FBXO47: variants seen among roughly 807,000 people sequenced by gnomAD.
The protein encoded by FBXO47 is F-box only protein 47.
A neutral mutation model predicts 53.9 loss-of-function variants in FBXO47; 34 were observed. The observed-to-expected ratio is 0.63, with a 90% CI of 0.48 to 0.84. The LOEUF is 0.84. FBXO47 is among the 40% of genes least tolerant of loss of function. FBXO47 has a pLI of 0.00. For synonymous variants in FBXO47, 165 were observed against 181.6 expected, an observed-to-expected ratio of 0.91 and a Z score of 0.73; for missense variants, 485 against 541.3, an observed-to-expected ratio of 0.90 and a Z score of 1.03.
chr17:38,945,111 T>C lies in FBXO47; in HGVS notation c.642A>G (p.Arg214=), dbSNP rs767110860. The change falls in exon 7 of 11, where the codon AGA becomes AGG. Residue 214 remains arginine (R), a synonymous_variant. Transcript: ENST00000378079. ...GGACATTCCTACAGAAGAGTCTGAT[T>C]CTTAACTCCAGTTTTTGGGCACTTC... ...KPGSAQKLEL[R]IRLFCRNVLL... 3 of 1,613,072 alleles carry C rather than the reference T, an allele frequency of 1.9e-6. No homozygotes were observed. The highest frequency in any genetic ancestry group is 4.5e-5 in the East Asian group (2 of 44,860).
chr17:38,965,898 T>A (rs112697363), intron 1 of FBXO47, among the ~76,000 whole-genome samples: 19,245 of 144,998 alleles, frequency 0.13, 1,506 homozygotes, highest in South Asian at 0.23. Context: ...AAAAAAAAAA[T>A]AATTACACAA....
At chr17:38,944,468 C>T (rs1019548586) in intron 7 of FBXO47, among the ~76,000 whole-genome samples, 29 of 151,310 alleles carry the variant, frequency 1.9e-4, no homozygotes, top group African/African-American at 5.1e-4. Context: ...TTTGGAAGGC[C>T]GAGGTGGGAA....
intron 1 of FBXO47, among the ~76,000 whole-genome samples, chr17:38,966,023 A>T (rs932570589): frequency 1.3e-5 from 2 of 152,184 alleles, no homozygotes; most frequent in African/African-American, 2.4e-5. Flanking sequence ...TTTAACAAAA[A>T]AGAGGGATCA....
intron 6 of FBXO47, among the ~76,000 whole-genome samples, chr17:38,949,771 A>G (rs1283744436): frequency 6.6e-6 from 1 of 152,086 alleles, no homozygotes; most frequent in Non-Finnish European, 1.5e-5. Context: ...GTCTCACTCC[A>G]TTGCCCATGC....
chr17:38,942,645 A>G (rs993507989), intron 9 of FBXO47, 133 bp downstream of exon 9: 6 of 577,106 alleles, frequency 1.0e-5, no homozygotes, highest in Admixed American at 7.3e-5. Context: ...TGAAAAAGAA[A>G]CATTAAAAAT....
chr17:38,947,048 A>T (rs1302666613), intron 6 of FBXO47, among the ~76,000 whole-genome samples: 1 of 131,850 alleles, frequency 7.6e-6, no homozygotes, highest in Non-Finnish European at 1.5e-5. Context: ...GTAAATATAT[A>T]AAAACATATA....
chr17:38,963,807 T>G (rs567031597), intron 1 of FBXO47, among the ~76,000 whole-genome samples: 40 of 147,050 alleles, frequency 2.7e-4, no homozygotes, highest in Non-Finnish European at 4.8e-4. Context: ...TTGTTGTTTT[T>G]TTTTTTTTTG....
intron 10 of FBXO47, 71 bp downstream of exon 10, chr17:38,938,502 T>A: frequency 9.2e-7 from 1 of 1,092,876 alleles, no homozygotes; most frequent in South Asian, 2.5e-5. Flanking sequence ...TAGAGAAAAA[T>A]ATCTCTGTTT....
At chr17:38,956,203 G>C (rs1029984907) in intron 4 of FBXO47, among the ~76,000 whole-genome samples, 1 of 151,974 alleles carries the variant, frequency 6.6e-6, no homozygotes, top group African/African-American at 2.4e-5. Context: ...TCAGCATACA[G>C]AGCGGTTTGG....
Position 38,955,028 on chromosome 17 carries a change from A to C in FBXO47, c.430-95T>G, listed in dbSNP as rs1905477739. 2.1e-6 allele frequency: 2 copies of C among 942,196 alleles called. 1 individual carries two copies. The highest frequency in any genetic ancestry group is 5.0e-5 in the East Asian group (2 of 39,766). 58.4% of individuals were successfully genotyped at this position (942,196 alleles called of 1,614,324 possible). On this transcript the variant is annotated intron_variant, in intron 4 of 10. Transcript: ENST00000378079. Reference sequence around the variant, plus strand: ...TTGACATTCAAATTTAATGGAAATAAGCAAGAATTTTTTCAGCACCTATTC... The same window carrying C: ...TTGACATTCAAATTTAATGGAAATACGCAAGAATTTTTTCAGCACCTATTC...
intron 3 of FBXO47, among the ~76,000 whole-genome samples, chr17:38,959,464 C>T (rs1268306069): frequency 6.6e-6 from 1 of 150,724 alleles, no homozygotes; most frequent in Non-Finnish European, 1.5e-5. Flanking sequence ...CCTGTAATCC[C>T]AGTTACTGGA....
At chr17:38,947,073 C>CATATATAAACAT (rs1165695285) in intron 6 of FBXO47, among the ~76,000 whole-genome samples, 1,834 of 122,244 alleles carry the variant, frequency 0.015, 19 homozygotes, top group Non-Finnish European at 0.023. Flanking sequence ...TATATATAAA[C>CATATATAAACAT]ATATATAAAC....
At position 38,936,552 on chromosome 17, in the gene FBXO47, G is replaced by A. The variant is rs2143869022; in HGVS notation, c.*623C>T. The A allele has an allele frequency of 6.6e-6, 1 of 151,946 alleles. No homozygotes were observed. Among genetic ancestry groups the A allele is most frequent in the South Asian group, 2.1e-4 (1 of 4,804 alleles). The allele number at this position is 151,946 out of a possible 1,614,324, so 9.4% of individuals were successfully genotyped here. On this transcript the variant is annotated 3_prime_UTR_variant, in exon 11 of 11. Transcript: ENST00000378079. ...TCCTGTATGTATAGACCTTTTGTAT[G>A]ATTACCTTAAAGAAGGAAATATATG...
chr17:38,950,689 A>C (rs1905230934), intron 6 of FBXO47, among the ~76,000 whole-genome samples: 1 of 152,024 alleles, frequency 6.6e-6, no homozygotes, highest in South Asian at 2.1e-4. Flanking sequence ...TATAATTTAA[A>C]AATATGAAAT....
chr17:38,954,441 C>A (rs1905454053), intron 5 of FBXO47, among the ~76,000 whole-genome samples: 1 of 152,164 alleles, frequency 6.6e-6, no homozygotes, highest in Non-Finnish European at 1.5e-5. Flanking sequence ...TCAAAATGTT[C>A]TTGAAATAAT....
intron 6 of FBXO47, among the ~76,000 whole-genome samples, chr17:38,948,830 G>A (rs1321380960): frequency 2.6e-5 from 4 of 152,014 alleles, no homozygotes; most frequent in East Asian, 3.9e-4. Flanking sequence ...AGGTATACAT[G>A]TGCCATGGTG....
rs148455055 is a variant in FBXO47 at position 38,938,704 on chromosome 17, T to G, written c.1112A>C (p.Asp371Ala). 3.7e-6 allele frequency: 6 copies of G among 1,612,044 alleles called. No homozygotes were observed. The African/African-American group carries it at 8.0e-5, about 22-fold the overall frequency. ...LVCEKELYCM[D>A]WTVKMMQKVC... is the part of the protein sequence containing the mutation. ...TTTTTGCATCATTTTAACTGTCCAA[T>G]CCATGCAGTACAGTTCTTTCTCACA... Residue 371 changes from aspartate (D) to alanine (A), a missense_variant, in exon 10 of 11, where the codon GAT (aspartate) becomes GCT (alanine). Physicochemically the swap from Asp to Ala is moderately radical, Grantham distance 126. Transcript: ENST00000378079.
chr17:38,957,113 G>A, intron 4 of FBXO47, 64 bp downstream of exon 4: 2 of 1,091,794 alleles, frequency 1.8e-6, no homozygotes, highest in South Asian at 2.7e-5. Context: ...ATGAGCATAA[G>A]ATAATAATAA....
At chr17:38,950,747 TG>T (rs1383887977) in intron 6 of FBXO47, among the ~76,000 whole-genome samples, 1 of 152,134 alleles carries the variant, frequency 6.6e-6, no homozygotes, top group Non-Finnish European at 1.5e-5. Context: ...TGAGCTCCTT[TG>T]TATCTACCAG....
Sources: allele counts gnomAD v4.1 joint callset (sites outside exome capture counted in the v4.1 genomes callset), GRCh38; gene constraint gnomAD v4.1.1; transcripts MANE v1.5; gene names NCBI Gene and HGNC (gene_info 2026-07-23, HGNC 2026-07-21).